The following ANKS1B variants were observed in gnomAD, a reference collection of about 807,000 sequenced individuals.
ANKS1B encodes ankyrin repeat and sterile alpha motif domain containing 1B.
A neutral mutation model predicts 148.3 loss-of-function variants in ANKS1B; 36 were observed. The observed-to-expected ratio is 0.24, with a 90% CI of 0.19 to 0.32. The LOEUF is 0.32. Among genes scored for constraint, ANKS1B ranks in the 10% least tolerant of loss-of-function variants. The probability of loss-of-function intolerance (pLI) is 1.00; values close to 1 mark genes in which losing one functional copy is unlikely to be tolerated. For synonymous variants in ANKS1B, 542 were observed against 560.8 expected, an observed-to-expected ratio of 0.97 and a Z score of 0.47; for missense variants, 1,157 against 1,542.6, an observed-to-expected ratio of 0.75 and a Z score of 4.19.
intron 17 of ANKS1B, among the ~76,000 whole-genome samples, chr12:99,035,007 C>T (rs2099954619): frequency 6.6e-6 from 1 of 152,150 alleles, no homozygotes; most frequent in South Asian, 2.1e-4. Context: ...ATGATGTGAG[C>T]TGAGATGATG....
At chr12:98,923,971 T>G (rs1318913644) in intron 17 of ANKS1B, among the ~76,000 whole-genome samples, 1 of 152,228 alleles carries the variant, frequency 6.6e-6, no homozygotes. Context: ...GGTTTATGTT[T>G]TGCCTTCCTG....
intron 17 of ANKS1B, among the ~76,000 whole-genome samples, chr12:99,043,252 A>T (rs1274912234): frequency 6.6e-6 from 1 of 152,212 alleles, no homozygotes; most frequent in African/African-American, 2.4e-5. Context: ...TGTTATTCAA[A>T]TTAATCTAAT....
At chr12:99,085,357 AAAAT>A (rs992138973) in intron 15 of ANKS1B, among the ~76,000 whole-genome samples, 2 of 150,730 alleles carry the variant, frequency 1.3e-5, no homozygotes, top group African/African-American at 4.8e-5. Flanking sequence ...TAATAAAATA[AAAAT>A]AAATAAATAA....
At chr12:99,180,321 G>A (rs1227524206) in intron 14 of ANKS1B, among the ~76,000 whole-genome samples, 1 of 152,170 alleles carries the variant, frequency 6.6e-6, no homozygotes, top group Non-Finnish European at 1.5e-5. Flanking sequence ...CTAGATGATG[G>A]AAGCCATGTC....
chr12:99,331,812 C>T (rs2065218421), intron 12 of ANKS1B, among the ~76,000 whole-genome samples: 1 of 151,898 alleles, frequency 6.6e-6, no homozygotes, highest in Non-Finnish European at 1.5e-5. Context: ...AGAACAACTT[C>T]AGGTTAGTCT....
chr12:98,979,930 T>G (rs1295311680), intron 17 of ANKS1B, among the ~76,000 whole-genome samples: 2 of 152,216 alleles, frequency 1.3e-5, no homozygotes, highest in African/African-American at 4.8e-5. Flanking sequence ...CACAGGTCAC[T>G]TAGGCTCTGC....
At chr12:99,556,513 T>C (rs1456810567) in intron 9 of ANKS1B, among the ~76,000 whole-genome samples, 2 of 152,184 alleles carry the variant, frequency 1.3e-5, no homozygotes, top group Admixed American at 1.3e-4. Flanking sequence ...TTTGTTTTTC[T>C]AGTTCCTCTA....
intron 24 of ANKS1B, among the ~76,000 whole-genome samples, chr12:98,778,121 G>A (rs1055379552): frequency 1.3e-5 from 2 of 152,216 alleles, no homozygotes; most frequent in African/African-American, 4.8e-5. Flanking sequence ...GACCAAGGCA[G>A]GGGTACGAGA....
intron 15 of ANKS1B, among the ~76,000 whole-genome samples, chr12:99,110,565 T>C (rs942154816): frequency 6.6e-6 from 1 of 152,246 alleles, no homozygotes; most frequent in East Asian, 1.9e-4. Context: ...TGCTCATTTC[T>C]TTTGTGCCAC....
chr12:98,765,839 G>A (rs1020355145), intron 25 of ANKS1B, among the ~76,000 whole-genome samples: 30 of 152,224 alleles, frequency 2.0e-4, no homozygotes, highest in African/African-American at 5.5e-4. Flanking sequence ...TAGGTGATCC[G>A]CCTGCCTTGG....
chr12:99,792,445 T>G (rs1331204603), intron 4 of ANKS1B, among the ~76,000 whole-genome samples: 1 of 151,750 alleles, frequency 6.6e-6, no homozygotes, highest in Non-Finnish European at 1.5e-5. Flanking sequence ...AAAAGAAAAC[T>G]ATAGGCCAAT....
At chr12:99,302,071 C>T (rs2081712561) in intron 12 of ANKS1B, among the ~76,000 whole-genome samples, 1 of 152,024 alleles carries the variant, frequency 6.6e-6, no homozygotes, top group Non-Finnish European at 1.5e-5. Flanking sequence ...CTTAACTTGG[C>T]CTGTCTCTCT....
intron 19 of ANKS1B, among the ~76,000 whole-genome samples, chr12:98,808,798 A>G (rs1264725762): frequency 6.6e-6 from 1 of 152,150 alleles, no homozygotes; most frequent in East Asian, 1.9e-4. Context: ...TCTAAAAGAC[A>G]CTGTGAAATT....
chr12:99,375,902 A>T (rs777892956), intron 12 of ANKS1B, among the ~76,000 whole-genome samples: 1 of 152,180 alleles, frequency 6.6e-6, no homozygotes, highest in Non-Finnish European at 1.5e-5. Context: ...CTTCCTCTAA[A>T]TCCATAGATG....
At chr12:99,211,341 A>T (rs1199631492) in intron 14 of ANKS1B, among the ~76,000 whole-genome samples, 1 of 152,206 alleles carries the variant, frequency 6.6e-6, no homozygotes, top group Non-Finnish European at 1.5e-5. Context: ...GTGAGAGATA[A>T]TGGCCAAATC....
At chr12:98,994,027 ACT>A (rs1172890809) in intron 17 of ANKS1B, among the ~76,000 whole-genome samples, 3 of 152,056 alleles carry the variant, frequency 2.0e-5, no homozygotes, top group East Asian at 1.9e-4. Context: ...TAATTAAAAC[ACT>A]CTTACTTTTA....
At chr12:99,716,902 T>C (rs2057406601) in intron 8 of ANKS1B, among the ~76,000 whole-genome samples, 1 of 152,058 alleles carries the variant, frequency 6.6e-6, no homozygotes, top group Non-Finnish European at 1.5e-5. Context: ...CACCCTATAA[T>C]CCTTTTATCA....
At chr12:99,343,204 C>A (rs983970193) in intron 12 of ANKS1B, among the ~76,000 whole-genome samples, 4 of 151,938 alleles carry the variant, frequency 2.6e-5, no homozygotes, top group Non-Finnish European at 4.4e-5. Context: ...ACCATTGAAA[C>A]ACATTTAGTG....
chr12:98,776,453 C>A (rs1022270826), intron 24 of ANKS1B, among the ~76,000 whole-genome samples: 1 of 152,208 alleles, frequency 6.6e-6, no homozygotes, highest in African/African-American at 2.4e-5. Flanking sequence ...CCTCCTGCCT[C>A]TTCTTGGGGA....
Sources: allele counts gnomAD v4.1 joint callset (sites outside exome capture counted in the v4.1 genomes callset), GRCh38; gene constraint gnomAD v4.1.1; transcripts MANE v1.5; gene names NCBI Gene and HGNC (gene_info 2026-07-23, HGNC 2026-07-21).